GAREM1: variants seen among roughly 807,000 people sequenced by gnomAD.
GAREM1 encodes GRB2 associated regulator of MAPK1 subtype 1, also known as GRB2-associated and regulator of MAPK protein 1.
A neutral mutation model predicts 71.3 loss-of-function variants in GAREM1; 26 were observed. The ratio of observed to expected loss-of-function variants is 0.36; its 90% CI spans 0.27 to 0.51. The LOEUF is 0.51. Ranked by LOEUF, GAREM1 falls within the 20% of genes least tolerant of loss-of-function variation. The pLI is 0.95. For synonymous variants in GAREM1, 440 were observed against 433.2 expected (o/e 1.02, Z -0.20); for missense variants, 1,026 against 1,103.1 (o/e 0.93, Z 0.99).
At chr18:32,361,626 G>A (rs911405007) in intron 2 of GAREM1, among the ~76,000 whole-genome samples, 5 of 152,108 alleles carry the variant, frequency 3.3e-5, no homozygotes, top group Non-Finnish European at 5.9e-5. Context: ...AAACTAACAG[G>A]AAATGAAATT....
chr18:32,388,716 C>G (rs182891398), intron 2 of GAREM1, among the ~76,000 whole-genome samples: 45 of 152,214 alleles, frequency 3.0e-4, no homozygotes, highest in African/African-American at 9.6e-4. Flanking sequence ...TAAAAAATGT[C>G]TATATCACGA....
intron 2 of GAREM1, among the ~76,000 whole-genome samples, chr18:32,373,684 A>G (rs1170233336): frequency 3.3e-5 from 5 of 152,180 alleles, no homozygotes; most frequent in African/African-American, 7.2e-5. Context: ...TTCTATAAGG[A>G]TATCTCTAAG....
At chr18:32,360,991 C>CT (rs1567978970) in intron 2 of GAREM1, among the ~76,000 whole-genome samples, 1 of 152,162 alleles carries the variant, frequency 6.6e-6, no homozygotes, top group African/African-American at 2.4e-5. Flanking sequence ...TATTCTCCTA[C>CT]TTAATACTCT....
intron 1 of GAREM1, among the ~76,000 whole-genome samples, chr18:32,466,238 T>C (rs2048997885): frequency 6.6e-6 from 1 of 152,040 alleles, no homozygotes; most frequent in Non-Finnish European, 1.5e-5. Context: ...CATAAAAATA[T>C]ATTACACTGA....
intron 2 of GAREM1, among the ~76,000 whole-genome samples, chr18:32,367,269 T>C (rs1310728935): frequency 6.6e-6 from 1 of 152,218 alleles, no homozygotes; most frequent in Non-Finnish European, 1.5e-5. Context: ...TTACATGGGA[T>C]ACTGATTTCT....
chr18:32,426,114 G>A (rs1260279972), intron 1 of GAREM1, among the ~76,000 whole-genome samples: 2 of 152,158 alleles, frequency 1.3e-5, no homozygotes, highest in African/African-American at 4.8e-5. Context: ...TGCCTCCCAG[G>A]TTCGAGCAAT....
At chr18:32,424,357 A>G (rs530601607) in intron 1 of GAREM1, among the ~76,000 whole-genome samples, 3 of 152,354 alleles carry the variant, frequency 2.0e-5, no homozygotes, top group African/African-American at 7.2e-5. Context: ...ATATGATCCC[A>G]CAGTATAATT....
At chr18:32,315,782 G>C (rs1229467091) in intron 2 of GAREM1, among the ~76,000 whole-genome samples, 1 of 152,078 alleles carries the variant, frequency 6.6e-6, no homozygotes, top group Non-Finnish European at 1.5e-5. Context: ...GGAAAAAGAT[G>C]TATTTCCTGA....
chr18:32,281,430 T>C (rs1430653613), intron 4 of GAREM1, among the ~76,000 whole-genome samples: 1 of 152,238 alleles, frequency 6.6e-6, no homozygotes. Context: ...AACTTTATGA[T>C]GAACTTCCGG....
At chr18:32,384,715 C>A (rs1244945655) in intron 2 of GAREM1, among the ~76,000 whole-genome samples, 1 of 152,152 alleles carries the variant, frequency 6.6e-6, no homozygotes, top group East Asian at 1.9e-4. Context: ...CCCTAATCAT[C>A]TCATCATGAA....
chr18:32,388,665 A>G (rs1343279808), intron 2 of GAREM1, among the ~76,000 whole-genome samples: 1 of 152,226 alleles, frequency 6.6e-6, no homozygotes, highest in East Asian at 1.9e-4. Flanking sequence ...GGGGAAACCC[A>G]AACTGAGGGT....
At chr18:32,371,512 G>A (rs189958368) in intron 2 of GAREM1, among the ~76,000 whole-genome samples, 20 of 152,300 alleles carry the variant, frequency 1.3e-4, no homozygotes, top group Non-Finnish European at 2.6e-4. Flanking sequence ...GAATCAGTGG[G>A]ATTTTTAATC....
Position 32,268,042 on chromosome 18 carries a change from T to C in GAREM1, c.2460A>G (p.Leu820=). 1 of 1,614,070 alleles carries C rather than the reference T, an allele frequency of 6.2e-7. No individual in the cohort carries two copies. Among genetic ancestry groups the C allele is most frequent in the Non-Finnish European group, 8.5e-7 (1 of 1,179,962 alleles). ...GLSIEEVSKS[L]RFIGLSEDVI... is the part of the protein sequence containing the mutation. ...CATCTTCGGACAAACCAATGAACCG[T>C]AGTGACTTGGACACTTCCTCTATAG... Residue 820 remains leucine (L), a synonymous_variant, in exon 6 of 6, where the codon CTA becomes CTG. Transcript: ENST00000269209.
At chr18:32,302,489 C>A (rs1406950743) in intron 3 of GAREM1, among the ~76,000 whole-genome samples, 2 of 152,064 alleles carry the variant, frequency 1.3e-5, no homozygotes, top group East Asian at 1.9e-4. Flanking sequence ...TAAAAAGAGG[C>A]ACTTCTGGGT....
chr18:32,395,849 A>G (rs2048249243), intron 1 of GAREM1, among the ~76,000 whole-genome samples: 1 of 152,166 alleles, frequency 6.6e-6, no homozygotes, highest in Non-Finnish European at 1.5e-5. Flanking sequence ...AGATATGAGA[A>G]TGGACAGACT....
intron 2 of GAREM1, among the ~76,000 whole-genome samples, chr18:32,383,293 A>G (rs1051329546): frequency 6.6e-6 from 1 of 152,212 alleles, no homozygotes; most frequent in Non-Finnish European, 1.5e-5. Flanking sequence ...TTCCTGTTGC[A>G]GTACACTCAA....
chr18:32,389,108 A>G (rs145046628), intron 2 of GAREM1, among the ~76,000 whole-genome samples: 3 of 152,148 alleles, frequency 2.0e-5, no homozygotes, highest in Non-Finnish European at 2.9e-5. Context: ...TGGCAAAATG[A>G]TACTAAAAAT....
At chr18:32,441,965 A>T (rs1245538519) in intron 1 of GAREM1, among the ~76,000 whole-genome samples, 1 of 152,048 alleles carries the variant, frequency 6.6e-6, no homozygotes, top group Non-Finnish European at 1.5e-5. Context: ...AGCTGCTTCC[A>T]TCCATAATCA....
intron 2 of GAREM1, among the ~76,000 whole-genome samples, chr18:32,378,012 C>CTGTGTGTGTGTGTGTGTGTG (rs1157230204): frequency 4.6e-4 from 60 of 131,846 alleles, no homozygotes; most frequent in South Asian, 2.1e-3. Flanking sequence ...TACTATATAA[C>CTGTGTGTGTGTGTGTGTGTG]TGTGTGTGTG....
Sources: allele counts gnomAD v4.1 joint callset (sites outside exome capture counted in the v4.1 genomes callset), GRCh38; gene constraint gnomAD v4.1.1; transcripts MANE v1.5; gene names NCBI Gene and HGNC (gene_info 2026-07-23, HGNC 2026-07-21).